The following THADA variants were observed in gnomAD, a reference collection of about 807,000 sequenced individuals.
The protein encoded by THADA is THADA armadillo repeat containing.
THADA carries 213 observed loss-of-function variants against 219.8 expected under a neutral mutation model. The ratio of observed to expected loss-of-function variants is 0.97; its 90% CI spans 0.87 to 1.09. THADA has a LOEUF of 1.09. Among genes scored for constraint, THADA ranks in the 50% least tolerant of loss-of-function variants. The pLI, the probability that THADA is intolerant of heterozygous loss-of-function variation, is 0.00. For synonymous variants in THADA, 1,018 were observed against 828.9 expected (o/e 1.23, Z -3.92); for missense variants, 2,956 against 2,311.3 (o/e 1.28, Z -5.72).
chr2:43,356,067 G>A (rs528754936), intron 29 of THADA, among the ~76,000 whole-genome samples: 8 of 152,092 alleles, frequency 5.3e-5, no homozygotes, highest in African/African-American at 1.9e-4. Flanking sequence ...GACAGAAAAC[G>A]GTTAAGGGCT....
chr2:43,343,908 C>T, intron 30 of THADA: 4 of 443,966 alleles, frequency 9.0e-6, no homozygotes, highest in Non-Finnish European at 4.1e-6. Context: ...AGCCATATTA[C>T]ATGCCCCTCA....
Position 43,592,921 on chromosome 2 carries a change from T to C in THADA, c.-24-505A>G, listed in dbSNP as rs1274427992. On this transcript the variant is annotated intron_variant, in intron 1 of 37. Transcript: ENST00000405975. ...AAAATGAAAAAAAATATTTTTTTAA[T>C]GCTATTCTCTTGAGTTTGCTTTTAT... The C allele has an allele frequency of 5.9e-5, 9 of 152,272 alleles. 1 individual carries two copies. The highest frequency in any genetic ancestry group is 1.4e-4 in the African/African-American group (6 of 41,448). 9.4% of individuals were successfully genotyped at this position (152,272 alleles called of 1,614,324 possible).
At chr2:43,524,834 C>T (rs1292554644) in intron 22 of THADA, among the ~76,000 whole-genome samples, 1 of 152,198 alleles carries the variant, frequency 6.6e-6, no homozygotes, top group Non-Finnish European at 1.5e-5. Flanking sequence ...AGGCATTGGG[C>T]ATTCCCTAGT....
chr2:43,440,527 A>C (rs1265291567), intron 26 of THADA, among the ~76,000 whole-genome samples: 1 of 152,312 alleles, frequency 6.6e-6, no homozygotes, highest in East Asian at 1.9e-4. Flanking sequence ...GGTCAAGAAC[A>C]TCAATTTCCA....
intron 36 of THADA, among the ~76,000 whole-genome samples, chr2:43,266,615 C>CA (rs1671550006): frequency 6.6e-6 from 1 of 151,930 alleles, no homozygotes; most frequent in African/African-American, 2.4e-5. Context: ...AAACAAAAAA[C>CA]AAAAAACAAC....
chr2:43,543,693 T>C (rs1239927100), intron 20 of THADA, among the ~76,000 whole-genome samples: 1 of 152,276 alleles, frequency 6.6e-6, no homozygotes, highest in Non-Finnish European at 1.5e-5. Flanking sequence ...GTTCTGTTCA[T>C]GTCCTTTGCC....
chr2:43,441,792 G>A (rs1402451889), intron 26 of THADA, among the ~76,000 whole-genome samples: 1 of 152,298 alleles, frequency 6.6e-6, no homozygotes, highest in Non-Finnish European at 1.5e-5. Context: ...GGTCATATTT[G>A]AATCTCCCTG....
At chr2:43,265,912 A>AT (rs1226957624) in intron 36 of THADA, among the ~76,000 whole-genome samples, 44 of 145,496 alleles carry the variant, frequency 3.0e-4, no homozygotes, top group East Asian at 1.0e-3. Flanking sequence ...TGATAATCCG[A>AT]TTTTTTTTTA....
At chr2:43,541,361 A>G in intron 20 of THADA, 45 bp from the exon 21 acceptor site, 3 of 1,599,690 alleles carry the variant, frequency 1.9e-6, no homozygotes, top group Non-Finnish European at 2.6e-6. Context: ...GATTACTCAT[A>G]TCCCAGGTTT....
chr2:43,520,107 G>A (rs1231354277), intron 22 of THADA, among the ~76,000 whole-genome samples: 1 of 152,178 alleles, frequency 6.6e-6, no homozygotes. Flanking sequence ...GATATAAAAA[G>A]AAAGGTTCTC....
intron 31 of THADA, among the ~76,000 whole-genome samples, chr2:43,306,760 G>C (rs898039935): frequency 4.6e-5 from 7 of 152,224 alleles, no homozygotes; most frequent in African/African-American, 1.7e-4. Context: ...AACATGGAGA[G>C]AGGAGTTAGG....
At chr2:43,590,708 A>C in intron 4 of THADA, 116 bp downstream of exon 4, 2 of 1,086,950 alleles carry the variant, frequency 1.8e-6, no homozygotes, top group Non-Finnish European at 2.7e-6. Context: ...AACCATATGA[A>C]TGAACTTTTT....
intron 25 of THADA, among the ~76,000 whole-genome samples, chr2:43,494,861 T>A (rs1379870972): frequency 6.6e-6 from 1 of 152,192 alleles, no homozygotes; most frequent in Non-Finnish European, 1.5e-5. Flanking sequence ...ATGGTTTCAA[T>A]ACGAAAGACT....
chr2:43,512,361 C>T (rs1272946536), intron 22 of THADA, among the ~76,000 whole-genome samples: 2 of 152,202 alleles, frequency 1.3e-5, no homozygotes, highest in Non-Finnish European at 2.9e-5. Flanking sequence ...CAGCTCTGCA[C>T]CTCTCCCAGG....
intron 30 of THADA, among the ~76,000 whole-genome samples, chr2:43,342,328 G>A (rs1195253946): frequency 6.6e-6 from 1 of 152,216 alleles, no homozygotes; most frequent in Admixed American, 6.5e-5. Context: ...AGCTATTAAT[G>A]TTGAGACAAT....
intron 29 of THADA, among the ~76,000 whole-genome samples, chr2:43,391,084 G>A (rs1335851683): frequency 6.6e-6 from 1 of 152,104 alleles, no homozygotes; most frequent in Non-Finnish European, 1.5e-5. Flanking sequence ...TTTCTCACCA[G>A]TAGGATGGGA....
chr2:43,477,940 G>A (rs929391593), intron 26 of THADA, among the ~76,000 whole-genome samples: 2 of 152,078 alleles, frequency 1.3e-5, no homozygotes. Flanking sequence ...TCTACCTATT[G>A]AAATCCTGAC....
At chr2:43,501,111 G>C (rs540668485) in intron 24 of THADA, among the ~76,000 whole-genome samples, 199 of 151,918 alleles carry the variant, frequency 1.3e-3, no homozygotes, top group African/African-American at 4.7e-3. Flanking sequence ...TTCAAAACCA[G>C]CCCGGCCAAC....
At chr2:43,583,045 C>T (rs1419507629) in intron 7 of THADA, among the ~76,000 whole-genome samples, 1 of 152,186 alleles carries the variant, frequency 6.6e-6, no homozygotes, top group Non-Finnish European at 1.5e-5. Flanking sequence ...CTTTGCTGAT[C>T]TCTTTTAGCT....
Sources: allele counts gnomAD v4.1 joint callset (sites outside exome capture counted in the v4.1 genomes callset), GRCh38; gene constraint gnomAD v4.1.1; transcripts MANE v1.5; gene names NCBI Gene and HGNC (gene_info 2026-07-23, HGNC 2026-07-21).